The following EFEMP1 variants were observed in gnomAD, a reference collection of about 807,000 sequenced individuals.
EFEMP1 encodes the protein EGF-like fibulin extracellular matrix protein 1.
Under a neutral mutation model 65.7 loss-of-function variants are expected in EFEMP1, and 18 were observed. The observed-to-expected ratio is 0.27, with a 90% CI of 0.19 to 0.41. The LOEUF is 0.41. Among genes scored for constraint, EFEMP1 ranks in the 10% least tolerant of loss-of-function variants. EFEMP1 has a pLI of 1.00. For synonymous variants in EFEMP1, 237 were observed against 219.7 expected (o/e 1.08, Z -0.70); for missense variants, 469 against 624.8 (o/e 0.75, Z 2.66).
chr2:55,896,655 G>A (rs529388057), intron 5 of EFEMP1, among the ~76,000 whole-genome samples: 8 of 152,262 alleles, frequency 5.3e-5, no homozygotes, highest in Admixed American at 3.9e-4. Flanking sequence ...GTTGTAATTA[G>A]TTACAATAAA....
In EFEMP1 at chr2:55,888,334, C is replaced by CTTTTTT. The variant is rs71713705; in HGVS notation, c.518-6606_518-6601dup. ...AAACTCTTTTTTTTTCCTTCTTAAA[C>CTTTTTT]TTTTTTTTTTTTTTTTTTTTTGAGA... On this transcript the variant is annotated intron_variant, in intron 5 of 11. Transcript: ENST00000355426. Among the ~76,000 whole-genome samples, 17 of 114,310 alleles carry CTTTTTT rather than the reference C, an allele frequency of 1.5e-4. 1 individual carries two copies. Among genetic ancestry groups the CTTTTTT allele is most frequent in the Non-Finnish European group, 2.3e-4 (13 of 57,298 alleles). The allele number at this position is 114,310 out of a possible 152,430, so 75.0% of individuals were successfully genotyped here.
intron 5 of EFEMP1, among the ~76,000 whole-genome samples, chr2:55,905,905 C>T (rs7559906): frequency 0.61 from 93,210 of 152,036 alleles, 30,099 homozygotes; most frequent in East Asian, 0.89. Flanking sequence ...GGTTGGTTTA[C>T]TGGAAACTAA....
intron 5 of EFEMP1, among the ~76,000 whole-genome samples, chr2:55,891,952 A>C (rs2104409299): frequency 6.6e-6 from 1 of 152,204 alleles, no homozygotes; most frequent in Admixed American, 6.5e-5. Flanking sequence ...CTTGGACTTA[A>C]TTTGTTGATA....
rs1248621245 is a variant in EFEMP1, at chr2:55,917,547, C to G, written c.517+118G>C. On this transcript the variant is annotated intron_variant, in intron 5 of 11. Transcript: ENST00000355426. The surrounding 1 kb of genome is among the most constrained non-coding windows in gnomAD (Gnocchi z 6.3). The stretch of plus-strand genomic sequence containing the variant: ...TTGTGATGATTAAATATAATGCAGA[C>G]AAAGCACTTAGCATGATGTCTGGCA... 1.5e-6 allele frequency: 2 copies of G among 1,297,230 alleles called. No homozygotes were observed. Among genetic ancestry groups the G allele is most frequent in the African/African-American group, 1.5e-5 (1 of 68,638 alleles). 80.4% of individuals were successfully genotyped at this position (1,297,230 alleles called of 1,614,324 possible).
At chr2:55,879,316 A>G (rs1429060381) in intron 6 of EFEMP1, among the ~76,000 whole-genome samples, 2 of 152,212 alleles carry the variant, frequency 1.3e-5, no homozygotes, top group East Asian at 3.8e-4. Context: ...CAATTTTAGC[A>G]TAGTGCTTCC....
chr2:55,896,727 T>C (rs1473954752), intron 5 of EFEMP1, among the ~76,000 whole-genome samples: 1 of 152,190 alleles, frequency 6.6e-6, no homozygotes, highest in Non-Finnish European at 1.5e-5. Flanking sequence ...AATGATGCAT[T>C]TAATTCCTTT....
intron 5 of EFEMP1, 61 bp from the exon 6 acceptor site, chr2:55,881,795 A>G: frequency 6.2e-7 from 1 of 1,608,766 alleles, no homozygotes; most frequent in South Asian, 1.1e-5. Context: ...TATTTCCTCC[A>G]TTTTGCCACT....
At position 55,922,986 on chromosome 2, in the gene EFEMP1, AAACAAAAT is replaced by A. The variant is rs1459674277; in HGVS notation, c.-48-55_-48-48del. On this transcript the variant is annotated intron_variant, in intron 1 of 11. Transcript: ENST00000355426. This position sits in a 1 kb window ranked among gnomAD's most constrained non-coding sequence, Gnocchi z 5.5. ...CTTGGCCTCAAGCTTTTTATTTTTT[AAACAAAAT>A]AACAAAACAAAACTCGGAGAGCAAT... 1 of 1,004,764 alleles carries A rather than the reference AAACAAAAT, an allele frequency of 1.0e-6. No homozygotes were observed. Among genetic ancestry groups the A allele is most frequent in the African/African-American group, 1.7e-5 (1 of 57,602 alleles). 62.2% of individuals were successfully genotyped at this position (1,004,764 alleles called of 1,614,324 possible). A position where few individuals can be genotyped will look rare whatever the true frequency, so the allele number is the denominator to read the frequency against.
intron 6 of EFEMP1, among the ~76,000 whole-genome samples, chr2:55,880,192 T>G (rs955163145): frequency 6.6e-6 from 1 of 152,140 alleles, no homozygotes; most frequent in Non-Finnish European, 1.5e-5. Context: ...AGCAAGACCT[T>G]TCATGCTCTG....
rs536026436 is a variant in EFEMP1, at chr2:55,883,316, T to C, written c.518-1582A>G. 6.6e-6 allele frequency among the ~76,000 whole-genome samples: 1 copy of C among 152,228 alleles called. No homozygotes were observed. On this transcript the variant is annotated intron_variant, in intron 5 of 11. Coordinates refer to ENST00000355426, the MANE Select transcript of EFEMP1 (RefSeq NM_001039348.3). The surrounding 1 kb of genome is among the most constrained non-coding windows in gnomAD (Gnocchi z 4.5). ...TCAAGTCAGTGATTACAAACTGTCC[T>C]TTTTAGGTACTATGCGATGGTGCAA...
At chr2:55,914,487 TG>T (rs1172264075) in intron 5 of EFEMP1, among the ~76,000 whole-genome samples, 2 of 152,186 alleles carry the variant, frequency 1.3e-5, no homozygotes, top group Non-Finnish European at 2.9e-5. Flanking sequence ...TATAAAATAG[TG>T]TACATTTAAA....
intron 5 of EFEMP1, among the ~76,000 whole-genome samples, chr2:55,904,900 G>A (rs1670183567): frequency 6.7e-6 from 1 of 149,310 alleles, no homozygotes; most frequent in Non-Finnish European, 1.5e-5. Flanking sequence ...GGAGAACCTT[G>A]ACTAAATACA....
chr2:55,904,141 G>C (rs1290253780), intron 5 of EFEMP1, among the ~76,000 whole-genome samples: 4 of 152,136 alleles, frequency 2.6e-5, no homozygotes, highest in African/African-American at 7.2e-5. Flanking sequence ...TTTTTCCTTA[G>C]AAGACTGATT....
chr2:55,866,818 T>G lies in EFEMP1; in HGVS notation c.*255A>C, dbSNP rs780676062. 8.3e-5 allele frequency: 35 copies of G among 423,924 alleles called. No individual in the cohort carries two copies. Among genetic ancestry groups the G allele is most frequent in the Non-Finnish European group, 1.5e-4 (34 of 232,880 alleles). 26.3% of individuals were successfully genotyped at this position (423,924 alleles called of 1,614,324 possible). ...AGGAAAGAATCCAAGTTTCACCAGATAGTGTATACTTAGCTCTCTTGAAGA... is the reference window on the plus strand; with the variant it reads ...AGGAAAGAATCCAAGTTTCACCAGAGAGTGTATACTTAGCTCTCTTGAAGA... On this transcript the variant is annotated 3_prime_UTR_variant, in exon 12 of 12. Coordinates refer to ENST00000355426, the MANE Select transcript of EFEMP1 (RefSeq NM_001039348.3).
intron 5 of EFEMP1, among the ~76,000 whole-genome samples, chr2:55,909,637 A>G (rs1395082514): frequency 1.3e-5 from 2 of 152,196 alleles, no homozygotes; most frequent in Non-Finnish European, 2.9e-5. Flanking sequence ...GCCCCATTCC[A>G]GCGAGGAAAC....
At chr2:55,894,284 T>C (rs1669734978) in intron 5 of EFEMP1, among the ~76,000 whole-genome samples, 1 of 152,254 alleles carries the variant, frequency 6.6e-6, no homozygotes, top group Non-Finnish European at 1.5e-5. Flanking sequence ...TTTATTTATT[T>C]ATTTTTTTGA....
chr2:55,900,484 A>C (rs927263108), intron 5 of EFEMP1, among the ~76,000 whole-genome samples: 4 of 152,210 alleles, frequency 2.6e-5, no homozygotes, highest in East Asian at 1.9e-4. Flanking sequence ...AATCTGGAAA[A>C]TAATCTGGGG....
chr2:55,895,417 G>A (rs183052407), intron 5 of EFEMP1, among the ~76,000 whole-genome samples: 13 of 152,256 alleles, frequency 8.5e-5, no homozygotes, highest in Non-Finnish European at 1.6e-4. Context: ...GCCTTTGTCC[G>A]TAAGCCTCCC....
chr2:55,898,097 C>T (rs1311217669), intron 5 of EFEMP1, among the ~76,000 whole-genome samples: 1 of 152,186 alleles, frequency 6.6e-6, no homozygotes, highest in South Asian at 2.1e-4. Flanking sequence ...CTACGATTAA[C>T]GAACATTTTA....
Sources: gnomAD v4.1 joint callset for allele counts (sites outside exome capture counted in the v4.1 genomes callset) on GRCh38, gnomAD v4.1.1 for gene constraint, Gnocchi (gnomAD v3.1) non-coding constraint, MANE v1.5 for transcripts, NCBI Gene and HGNC (gene_info 2026-07-23, HGNC 2026-07-21) for gene names.